UBA6: variants seen among roughly 807,000 people sequenced by gnomAD.
The protein encoded by UBA6 is ubiquitin-like modifier-activating enzyme 6.
Under a neutral mutation model 148.3 loss-of-function variants are expected in UBA6, and 87 were observed. The ratio of observed to expected loss-of-function variants is 0.59; its 90% CI spans 0.49 to 0.70. The LOEUF (loss-of-function observed/expected upper bound fraction) is 0.70, where lower values mean the gene tolerates loss of function less well. Ranked by LOEUF, UBA6 falls within the 30% of genes least tolerant of loss-of-function variation. The pLI, the probability that UBA6 is intolerant of heterozygous loss-of-function variation, is 0.00. For synonymous variants in UBA6, 376 were observed against 401.0 expected (o/e 0.94, Z 0.75); for missense variants, 1,186 against 1,241.2 (o/e 0.96, Z 0.67).
rs7660012 is a variant in UBA6, at chr4:67,679,823, C to T, written c.259-1290G>A. On this transcript the variant is annotated intron_variant, in intron 4 of 32. Transcript: ENST00000322244. ...CAGAAATTTCAGTATTTACTCATTACGAACGTTCTAGCTCTGCCCACTGAA... is the reference window on the plus strand; with the variant it reads ...CAGAAATTTCAGTATTTACTCATTATGAACGTTCTAGCTCTGCCCACTGAA... Among the ~76,000 whole-genome samples, 1,309 of 152,110 alleles carry T rather than the reference C, an allele frequency of 8.6e-3. 16 individuals carry two copies. The highest frequency in any genetic ancestry group is 0.03 in the African/African-American group (1,243 of 41,508).
intron 10 of UBA6, among the ~76,000 whole-genome samples, chr4:67,664,482 C>A (rs896029170): frequency 1.3e-5 from 2 of 151,362 alleles, no homozygotes; most frequent in African/African-American, 4.9e-5. Context: ...GCCTTGTAAA[C>A]GACTGGAGTT....
chr4:67,699,479 T>C (rs1325838363), intron 1 of UBA6, among the ~76,000 whole-genome samples: 1 of 152,184 alleles, frequency 6.6e-6, no homozygotes, highest in Non-Finnish European at 1.5e-5. Context: ...CTGATTCCAA[T>C]TACCAAGGCA....
intron 13 of UBA6, among the ~76,000 whole-genome samples, chr4:67,654,139 C>T (rs914320158): frequency 2.0e-5 from 3 of 152,134 alleles, no homozygotes; most frequent in Non-Finnish European, 4.4e-5. Flanking sequence ...AAGAACTTCT[C>T]CAACCTAGCA....
chr4:67,668,858 C>T (rs1730072193), intron 8 of UBA6, among the ~76,000 whole-genome samples, 184 bp from the exon 9 acceptor site: 1 of 152,146 alleles, frequency 6.6e-6, no homozygotes, highest in African/African-American at 2.4e-5. Context: ...CAAATTATTA[C>T]TATTTTTTAA....
intron 2 of UBA6, among the ~76,000 whole-genome samples, chr4:67,693,104 C>T (rs1730733625): frequency 6.6e-6 from 1 of 152,108 alleles, no homozygotes; most frequent in Non-Finnish European, 1.5e-5. Context: ...GCCTGCCTCT[C>T]TTTCCCTACC....
chr4:67,633,431 T>A lies in UBA6; in HGVS notation c.2056A>T (p.Ile686Leu). 6.2e-7 allele frequency: 1 copy of A among 1,610,652 alleles called. No homozygotes were observed. The highest frequency in any genetic ancestry group is 1.3e-5 in the African/African-American group (1 of 74,880). The part of the protein sequence containing the change: ...GHSLEGCFQV[I>L]KLLSRRPRNW... ...CTAGGTCTTCTGCTAAGTAACTTTA[T>A]AACTTGAAAACAGCCTTCTAAACTG... Residue 686 changes from isoleucine to leucine, a missense_variant, in exon 23 of 33, where the codon ATA becomes TTA. Transcript: ENST00000322244.
chr4:67,679,671 C>A (rs947982529), intron 4 of UBA6, among the ~76,000 whole-genome samples: 2 of 151,738 alleles, frequency 1.3e-5, no homozygotes, highest in African/African-American at 4.8e-5. Context: ...GGATAAAGCA[C>A]GTAATGGATC....
chr4:67,678,433 C>A lies in UBA6; in HGVS notation c.353+6G>T. 1.3e-6 allele frequency: 2 copies of A among 1,545,540 alleles called. No individual in the cohort carries two copies. Among genetic ancestry groups the A allele is most frequent in the Non-Finnish European group, 1.8e-6 (2 of 1,137,436 alleles). The stretch of plus-strand genomic sequence containing the variant: ...AACTCATGATAATACATCAAAATAT[C>A]TTTACCTGTTTCTCTTATTAACAAC... On this transcript the variant is annotated splice_donor_region_variant and intron_variant, in intron 5 of 32. Coordinates refer to ENST00000322244, the MANE Select transcript of UBA6 (RefSeq NM_018227.6).
chr4:67,687,484 T>C (rs190504445), intron 2 of UBA6, among the ~76,000 whole-genome samples: 27 of 152,378 alleles, frequency 1.8e-4, no homozygotes, highest in African/African-American at 6.3e-4. Flanking sequence ...ATGTTAATTC[T>C]ACTGTACCAA....
chr4:67,653,069 C>A (rs1032889979), intron 13 of UBA6, among the ~76,000 whole-genome samples: 2 of 152,194 alleles, frequency 1.3e-5, no homozygotes, highest in Non-Finnish European at 2.9e-5. Flanking sequence ...AGGCCTACTG[C>A]CTCTATAGAC....
intron 2 of UBA6, among the ~76,000 whole-genome samples, chr4:67,690,645 A>C (rs868850471): frequency 3.4e-4 from 52 of 152,152 alleles, no homozygotes; most frequent in African/African-American, 1.2e-3. Context: ...GTTTGAATAG[A>C]TCTTTCTCCA....
chr4:67,651,069 T>C (rs568357395), intron 13 of UBA6, among the ~76,000 whole-genome samples: 1 of 152,220 alleles, frequency 6.6e-6, no homozygotes, highest in East Asian at 1.9e-4. Flanking sequence ...GTCCAAAAAG[T>C]AAGCACAAAA....
In UBA6 at chr4:67,682,207, C is replaced by T; in HGVS notation, c.141G>A (p.Gln47=). The change falls in exon 3 of 33, where the codon CAG becomes CAA. Residue 47 remains glutamine, a synonymous_variant. Coordinates refer to ENST00000322244, the MANE Select transcript of UBA6 (RefSeq NM_018227.6). ...VEIDDALYSR[Q]RYVLGDTAMQ... ...TTGCTGTGTCTCCAAGAACGTACCT[C>T]TGTCGACTACACGGAAAACACAATA... is the stretch of plus-strand genomic sequence containing the variant. 6.2e-7 allele frequency: 1 copy of T among 1,612,904 alleles called. No homozygotes were observed. The highest frequency in any genetic ancestry group is 8.5e-7 in the Non-Finnish European group (1 of 1,179,290).
At chr4:67,648,925 G>C in intron 14 of UBA6, 143 bp downstream of exon 14, 1 of 804,890 alleles carries the variant, frequency 1.2e-6, no homozygotes, top group South Asian at 2.3e-5. Flanking sequence ...AGAATCAAGT[G>C]TTGGAGGCAT....
chr4:67,677,547 T>A, intron 6 of UBA6, 64 bp downstream of exon 6: 1 of 800,776 alleles, frequency 1.2e-6, no homozygotes, highest in Non-Finnish European at 2.0e-6. Context: ...GTTAAACATA[T>A]TAATATTTAA....
chr4:67,681,816 G>A (rs952147882), intron 3 of UBA6, among the ~76,000 whole-genome samples: 10 of 152,032 alleles, frequency 6.6e-5, no homozygotes, highest in African/African-American at 1.7e-4. Context: ...AAATTTCAAC[G>A]TATTCTTCCA....
chr4:67,660,182 T>C (rs1404647114), intron 13 of UBA6, among the ~76,000 whole-genome samples: 2 of 152,172 alleles, frequency 1.3e-5, no homozygotes, highest in Non-Finnish European at 1.5e-5. Context: ...GATGATACAA[T>C]AGAAAAGAAA....
chr4:67,613,717 C>T lies in UBA6; in HGVS notation c.*5280G>A, dbSNP rs1267182784. The T allele has an allele frequency of 6.6e-6, 1 of 152,146 alleles. No individual in the cohort carries two copies. The highest frequency in any genetic ancestry group is 2.4e-5 in the African/African-American group (1 of 41,448). The allele number at this position is 152,146 out of a possible 1,614,324, so 9.4% of individuals were successfully genotyped here. On this transcript the variant is annotated 3_prime_UTR_variant, in exon 33 of 33. Transcript: ENST00000322244. ...TAAGCTCTGATATTTTGTTATCTTGCCCAAATTCCTGTCTAAGGAGTCTGG... is the reference window on the plus strand; with the variant it reads ...TAAGCTCTGATATTTTGTTATCTTGTCCAAATTCCTGTCTAAGGAGTCTGG...
At chr4:67,679,635 A>G (rs1209179971) in intron 4 of UBA6, among the ~76,000 whole-genome samples, 2 of 152,126 alleles carry the variant, frequency 1.3e-5, no homozygotes, top group Non-Finnish European at 2.9e-5. Context: ...AAAATATAAT[A>G]GGATAAAGAA....
Sources: gnomAD v4.1 joint callset for allele counts (sites outside exome capture counted in the v4.1 genomes callset) on GRCh38, gnomAD v4.1.1 for gene constraint, MANE v1.5 for transcripts, NCBI Gene and HGNC (gene_info 2026-07-23, HGNC 2026-07-21) for gene names.